LBP: variants seen among roughly 807,000 people sequenced by gnomAD.
The protein encoded by LBP is lipopolysaccharide binding protein, also known as lipopolysaccharide-binding protein.
LBP carries 53 observed loss-of-function variants against 56.6 expected under a neutral mutation model. The observed-to-expected ratio is 0.94, with a 90% CI of 0.75 to 1.18. LBP has a LOEUF of 1.18. Among genes scored for constraint, LBP ranks in the 50% most tolerant of loss-of-function variants. The pLI is 0.00. For missense variants in LBP, 601 were observed against 598.3 expected (o/e 1.00, Z -0.05); for synonymous variants, 227 against 247.5 (o/e 0.92, Z 0.78).
Position 38,360,768 on chromosome 20 carries a change from G to A in LBP, c.652+1G>A, listed in dbSNP as rs1428494162. The A allele has an allele frequency of 6.2e-7, 1 of 1,605,930 alleles. No homozygotes were observed. The highest frequency in any genetic ancestry group is 2.2e-5 in the East Asian group (1 of 44,852). The stretch of plus-strand genomic sequence containing the variant: ...CAGCCTTATCTCCAAACTCTGCCAG[G>A]TAGGACACCCCATCCATCCCGGGAC... On this transcript the variant is annotated splice_donor_variant, in intron 6 of 14. Coordinates refer to ENST00000217407, the MANE Select transcript of LBP (RefSeq NM_004139.5). LOFTEE classifies it high-confidence loss of function.
chr20:38,376,325 C>T (rs575293626), intron 14 of LBP, among the ~76,000 whole-genome samples: 3 of 152,238 alleles, frequency 2.0e-5, no homozygotes, highest in African/African-American at 7.2e-5. Flanking sequence ...CCTAGCAGTT[C>T]ACAATTTTTC....
intron 6 of LBP, among the ~76,000 whole-genome samples, chr20:38,361,527 C>G (rs149011164): frequency 0.024 from 3,707 of 152,088 alleles, 160 homozygotes; most frequent in African/African-American, 0.083. Context: ...GCCTCAGCCA[C>G]CTGAGTAGCT....
chr20:38,354,436 T>TG lies in LBP; in HGVS notation c.524+1dup, dbSNP rs768091779. 3 of 1,610,310 alleles carry TG rather than the reference T, an allele frequency of 1.9e-6. No individual in the cohort carries two copies. In the African/African-American group the frequency reaches 4.0e-5, roughly 21 times the overall value. On this transcript the variant is annotated frameshift_variant, in exon 4 of 15. Transcript: ENST00000217407. LOFTEE classifies it high-confidence loss of function. Reference sequence around the variant, plus strand: ...GTGGAGGTGGACATGTCGGGAGACTTGGGGTAGGTCTCCATCGGGGCACTG... The same window carrying TG: ...GTGGAGGTGGACATGTCGGGAGACTTGGGGGTAGGTCTCCATCGGGGCACTG...
At chr20:38,352,686 C>T (rs1246989278) in intron 3 of LBP, among the ~76,000 whole-genome samples, 23 of 152,070 alleles carry the variant, frequency 1.5e-4, no homozygotes, top group African/African-American at 5.1e-4. Flanking sequence ...GCCTGGGAGG[C>T]GGAGGTTGCG....
intron 9 of LBP, among the ~76,000 whole-genome samples, chr20:38,367,707 A>G (rs533349968): frequency 1.3e-5 from 2 of 152,310 alleles, no homozygotes; most frequent in African/African-American, 4.8e-5. Context: ...TTCTTAGTGA[A>G]GCATTTTACC....
At chr20:38,358,766 G>A (rs1353564724) in intron 5 of LBP, among the ~76,000 whole-genome samples, 1 of 152,180 alleles carries the variant, frequency 6.6e-6, no homozygotes, top group Non-Finnish European at 1.5e-5. Context: ...CTAGGCCAGG[G>A]CTCTGCATGT....
At chr20:38,355,226 C>T (rs547991472) in intron 4 of LBP, 120 bp from the exon 5 acceptor site, 34 of 832,684 alleles carry the variant, frequency 4.1e-5, no homozygotes, top group South Asian at 5.7e-5. Flanking sequence ...CACAGCAGGG[C>T]GCCGGGAAGG....
chr20:38,368,117 TA>T (rs773375551), intron 9 of LBP, among the ~76,000 whole-genome samples: 4 of 152,174 alleles, frequency 2.6e-5, no homozygotes, highest in East Asian at 1.9e-4. Flanking sequence ...GAAAATTAAA[TA>T]TTTTTTTTAA....
In LBP at chr20:38,346,549, ACTGCTGGCATTG is replaced by A. The variant is rs1346500960; in HGVS notation, c.39_50del (p.Ala14_Leu17del). On this transcript the variant is annotated inframe_deletion, in exon 1 of 15. Coordinates refer to ENST00000217407, the MANE Select transcript of LBP (RefSeq NM_004139.5). ...CCTTGGCCAGAGCCCTGCCGTCCAT[ACTGCTGGCATTG>A]CTGCTTACGTCCACCCCAGAGGCTC... 1 of 1,613,620 alleles carries A rather than the reference ACTGCTGGCATTG, an allele frequency of 6.2e-7. No homozygotes were observed. Among genetic ancestry groups the A allele is most frequent in the Non-Finnish European group, 8.5e-7 (1 of 1,179,988 alleles).
intron 5 of LBP, among the ~76,000 whole-genome samples, chr20:38,356,316 A>G (rs1412189041): frequency 8.1e-6 from 1 of 123,880 alleles, no homozygotes; most frequent in Non-Finnish European, 1.7e-5. Flanking sequence ...CACAAAACAC[A>G]CCACCCACAG....
intron 11 of LBP, among the ~76,000 whole-genome samples, chr20:38,371,019 G>T (rs144878764): frequency 6.6e-6 from 1 of 152,316 alleles, no homozygotes; most frequent in African/African-American, 2.4e-5. Context: ...CTTAATGTAT[G>T]AATTTTAGAA....
At position 38,355,378 on chromosome 20, in the gene LBP, A is replaced by C; in HGVS notation, c.557A>C (p.Glu186Ala). ...TTGAACCTCTTCCACAACCAGATTG[A>C]GTCCAAGTTCCAGAAAGTACTGGAG... The part of the protein sequence containing the change: ...WLLNLFHNQI[E>A]SKFQKVLESR... The change falls in exon 5 of 15, where the codon GAG becomes GCG. Residue 186 changes from glutamate (E) to alanine (A), a missense_variant. Glu to Ala is a moderately radical substitution (Grantham distance 107, BLOSUM62 -1). Transcript: ENST00000217407. 6.2e-7 allele frequency: 1 copy of C among 1,613,778 alleles called. No homozygotes were observed.
At chr20:38,361,540 G>A (rs540373909) in intron 6 of LBP, among the ~76,000 whole-genome samples, 1 of 151,940 alleles carries the variant, frequency 6.6e-6, no homozygotes, top group East Asian at 1.9e-4. Context: ...GAGTAGCTGG[G>A]ACTACAGGTG....
At chr20:38,360,214 C>T (rs1387727039) in intron 5 of LBP, among the ~76,000 whole-genome samples, 4 of 149,034 alleles carry the variant, frequency 2.7e-5, no homozygotes, top group East Asian at 3.9e-4. Flanking sequence ...GAGCCGAGAT[C>T]GCAACACTGC....
rs1237830514 is a variant in LBP, at chr20:38,370,742, C to G, written c.1154C>G (p.Thr385Ser). The change falls in exon 11 of 15, where the codon ACT becomes AGT. Residue 385 changes from threonine (T) to serine (S), a missense_variant. Physicochemically the swap from Thr to Ser is moderately conservative, Grantham distance 58 (BLOSUM62 1). Coordinates refer to ENST00000217407, the MANE Select transcript of LBP (RefSeq NM_004139.5). ...KEPVFRLSVATNVSATLTFNT... is the reference protein window; with the variant it reads ...KEPVFRLSVASNVSATLTFNT... Reference sequence around the variant, plus strand: ...TCCTTCTTCTGGCATTTCCAGGCCACTAATGTGTCCGCCACCTTGACCTTC... The same window carrying G: ...TCCTTCTTCTGGCATTTCCAGGCCAGTAATGTGTCCGCCACCTTGACCTTC... 1.9e-6 allele frequency: 3 copies of G among 1,613,990 alleles called. No homozygotes were observed. The highest frequency in any genetic ancestry group is 2.7e-5 in the African/African-American group (2 of 74,936).
At chr20:38,355,260 A>T (rs1220628236) in intron 4 of LBP, 86 bp from the exon 5 acceptor site, 8 of 1,209,842 alleles carry the variant, frequency 6.6e-6, no homozygotes, top group Non-Finnish European at 9.8e-6. Flanking sequence ...CCCTTTGTGG[A>T]CTGGCCTGAC....
In LBP at chr20:38,366,843, A is replaced by C; in HGVS notation, c.981+15A>C. ...TCGTCCCACGGGTAAGGAGTCCCTT[A>C]GTTCCCCATGAGTGCAGACCGAGCC... On this transcript the variant is annotated intron_variant, in intron 9 of 14. Coordinates refer to ENST00000217407, the MANE Select transcript of LBP (RefSeq NM_004139.5). 2 of 1,612,196 alleles carry C rather than the reference A, an allele frequency of 1.2e-6. No individual in the cohort carries two copies. The highest frequency in any genetic ancestry group is 1.7e-6 in the Non-Finnish European group (2 of 1,178,336).
rs1455364210 is a variant in LBP, at chr20:38,369,223, C to T, written c.1149+61C>T. On this transcript the variant is annotated intron_variant, in intron 10 of 14. Transcript: ENST00000217407. ...TTCCCCACATGCTTTTCCCTTTTCC[C>T]CACATGCTTTTCTCCCCACTCACCA... 5.3e-6 allele frequency: 8 copies of T among 1,507,754 alleles called. No homozygotes were observed. The Admixed American group carries it at 1.4e-4, about 27-fold the overall frequency. The allele number at this position is 1,507,754 out of a possible 1,614,324, so 93.4% of individuals were successfully genotyped here. A position where few individuals can be genotyped will look rare whatever the true frequency, so the allele number is the denominator to read the frequency against.
intron 11 of LBP, 51 bp from the exon 12 acceptor site, chr20:38,371,229 C>T (rs1359025454): frequency 7.1e-6 from 11 of 1,542,610 alleles, no homozygotes; most frequent in Non-Finnish European, 9.8e-6. Flanking sequence ...CCCCGCATTG[C>T]TTAAACTTGC....
Sources: gnomAD v4.1 joint callset for allele counts (sites outside exome capture counted in the v4.1 genomes callset) on GRCh38, gnomAD v4.1.1 for gene constraint, MANE v1.5 for transcripts, NCBI Gene and HGNC (gene_info 2026-07-23, HGNC 2026-07-21) for gene names.